The following CORO1C variants were observed in gnomAD, a reference collection of about 807,000 sequenced individuals.
The protein encoded by CORO1C is coronin 1C, also known as coronin-1C.
Under a neutral mutation model 51.2 loss-of-function variants are expected in CORO1C, and 14 were observed. The ratio of observed to expected loss-of-function variants is 0.27; its 90% CI spans 0.18 to 0.43. The LOEUF (loss-of-function observed/expected upper bound fraction) is 0.43. Ranked by LOEUF, CORO1C falls within the 20% of genes least tolerant of loss-of-function variation. CORO1C has a pLI of 1.00. For synonymous variants in CORO1C, 181 were observed against 210.5 expected (o/e 0.86, Z 1.21); for missense variants, 417 against 607.8 (o/e 0.69, Z 3.30).
At chr12:108,706,214 A>G (rs2035028059) in intron 1 of CORO1C, among the ~76,000 whole-genome samples, 1 of 151,918 alleles carries the variant, frequency 6.6e-6, no homozygotes, top group Non-Finnish European at 1.5e-5. Context: ...ACAAAAAAAA[A>G]GCATTTGACA....
intron 1 of CORO1C, among the ~76,000 whole-genome samples, chr12:108,717,105 C>A (rs2035356224): frequency 6.6e-6 from 1 of 152,192 alleles, no homozygotes; most frequent in East Asian, 1.9e-4. Context: ...AATCGGGGAA[C>A]AGAAGCAGTC....
At chr12:108,695,703 A>G (rs180991787) in intron 2 of CORO1C, among the ~76,000 whole-genome samples, 2 of 152,204 alleles carry the variant, frequency 1.3e-5, no homozygotes, top group East Asian at 3.9e-4. Context: ...TCCTCAACCA[A>G]CATGACAGAA....
In CORO1C at chr12:108,647,229, G is replaced by A. The variant is rs2032398480; in HGVS notation, c.*174C>T. ...TCACGTTTTGTTTCTGCAAATTTGG[G>A]AGACAAATTGAGTTCTTACTGGAAT... On this transcript the variant is annotated 3_prime_UTR_variant, in exon 11 of 11. Coordinates refer to ENST00000261401, the MANE Select transcript of CORO1C (RefSeq NM_014325.4). 1 of 512,712 alleles carries A rather than the reference G, an allele frequency of 2.0e-6. No homozygotes were observed. The highest frequency in any genetic ancestry group is 3.4e-6 in the Non-Finnish European group (1 of 295,208). The allele number at this position is 512,712 out of a possible 1,614,324, so 31.8% of individuals were successfully genotyped here.
chr12:108,647,379 T>C lies in CORO1C; in HGVS notation c.*24A>G. ...AGCACAAGTTCTTGCTCCCATTTTT[T>C]CTGTAGGGGTGGGGGTGGGACCTTC... On this transcript the variant is annotated 3_prime_UTR_variant, in exon 11 of 11. Coordinates refer to ENST00000261401, the MANE Select transcript of CORO1C (RefSeq NM_014325.4). 6.2e-7 allele frequency: 1 copy of C among 1,606,600 alleles called. No homozygotes were observed. Among genetic ancestry groups the C allele is most frequent in the Non-Finnish European group, 8.5e-7 (1 of 1,177,084 alleles).
intron 1 of CORO1C, among the ~76,000 whole-genome samples, chr12:108,706,438 G>C (rs2035034810): frequency 6.6e-6 from 1 of 151,972 alleles, no homozygotes; most frequent in Non-Finnish European, 1.5e-5. Flanking sequence ...AAGGCAATTA[G>C]GCAAGAAAAA....
chr12:108,691,322 C>G (rs1013885292), intron 2 of CORO1C, among the ~76,000 whole-genome samples: 1 of 152,162 alleles, frequency 6.6e-6, no homozygotes, highest in African/African-American at 2.4e-5. Flanking sequence ...TTGGCAGGAG[C>G]AGATGATTTG....
intron 3 of CORO1C, among the ~76,000 whole-genome samples, chr12:108,673,124 G>GA (rs1482621249): frequency 6.6e-6 from 1 of 152,226 alleles, no homozygotes; most frequent in African/African-American, 2.4e-5. Flanking sequence ...GTTGAAAGCT[G>GA]AAACAGGCCA....
At chr12:108,675,275 G>A (rs1436585415) in intron 3 of CORO1C, among the ~76,000 whole-genome samples, 1 of 152,128 alleles carries the variant, frequency 6.6e-6, no homozygotes, top group Non-Finnish European at 1.5e-5. Flanking sequence ...CTTGGGCAGG[G>A]ATGTCCAAAG....
intron 2 of CORO1C, among the ~76,000 whole-genome samples, chr12:108,691,634 C>T (rs17040870): frequency 0.057 from 8,666 of 152,300 alleles, 507 homozygotes; most frequent in East Asian, 0.32. Flanking sequence ...TTCTCTGAGC[C>T]ACCCGTGCAG....
At chr12:108,679,152 A>G (rs532261798) in intron 2 of CORO1C, among the ~76,000 whole-genome samples, 3 of 147,850 alleles carry the variant, frequency 2.0e-5, no homozygotes, top group South Asian at 2.1e-4. Flanking sequence ...AAGAAAAAAA[A>G]AAAGAAATTT....
At chr12:108,710,278 C>T (rs1396366332) in intron 1 of CORO1C, among the ~76,000 whole-genome samples, 3 of 152,166 alleles carry the variant, frequency 2.0e-5, no homozygotes, top group Non-Finnish European at 2.9e-5. Flanking sequence ...TCTCCCTCAC[C>T]AAGTTTTCCA....
intron 1 of CORO1C, among the ~76,000 whole-genome samples, chr12:108,712,565 T>C (rs1427516953): frequency 1.1e-5 from 1 of 88,640 alleles, no homozygotes; most frequent in East Asian, 4.9e-4. Context: ...CAAGCGAAAC[T>C]GTCTCAAAAA....
At chr12:108,671,960 A>G (rs1453536489) in intron 3 of CORO1C, among the ~76,000 whole-genome samples, 1 of 152,056 alleles carries the variant, frequency 6.6e-6, no homozygotes, top group African/African-American at 2.4e-5. Flanking sequence ...ACGGGGTTTC[A>G]CCATGTTGCC....
intron 2 of CORO1C, among the ~76,000 whole-genome samples, chr12:108,694,218 G>A (rs2034592473): frequency 6.8e-6 from 1 of 148,138 alleles, no homozygotes; most frequent in Non-Finnish European, 1.5e-5. Flanking sequence ...GGAGGTGGAG[G>A]CTGCAGTGAG....
intron 8 of CORO1C, among the ~76,000 whole-genome samples, chr12:108,651,162 A>G (rs1232685500): frequency 6.6e-6 from 1 of 152,228 alleles, no homozygotes; most frequent in Non-Finnish European, 1.5e-5. Flanking sequence ...GGGGCTTATA[A>G]AAATTCTCTT....
In CORO1C at chr12:108,684,376, G is replaced by T. The variant is rs137970398; in HGVS notation, c.196-5982C>A. Among the ~76,000 whole-genome samples, 348 of 152,216 alleles carry T rather than the reference G, an allele frequency of 2.3e-3. 1 individual carries two copies. Among genetic ancestry groups the T allele is most frequent in the Middle Eastern group, 6.8e-3 (2 of 294 alleles). On this transcript the variant is annotated intron_variant, in intron 2 of 10. Transcript: ENST00000261401. ...TACAATTCCTTTCAAGAGCAATTTG[G>T]TAACAGGTAGAGGTGAGGAAGTCCA...
At chr12:108,725,821 ATTTT>A (rs369838008) in intron 1 of CORO1C, among the ~76,000 whole-genome samples, 15 of 152,058 alleles carry the variant, frequency 9.9e-5, no homozygotes, top group African/African-American at 3.6e-4. Context: ...TTATTTATTT[ATTTT>A]TTTGAGACGG....
chr12:108,727,855 A>G (rs1228561895), intron 1 of CORO1C, among the ~76,000 whole-genome samples: 1 of 152,232 alleles, frequency 6.6e-6, no homozygotes, highest in Admixed American at 6.5e-5. Flanking sequence ...CTGATAAGGC[A>G]CTTGAATCTA....
chr12:108,652,474 T>C, intron 7 of CORO1C, 57 bp from the exon 8 acceptor site: 1 of 1,450,864 alleles, frequency 6.9e-7, no homozygotes, highest in Non-Finnish European at 9.6e-7. Flanking sequence ...ATCTGGATTA[T>C]GGGGGTGTCT....
Sources: allele counts gnomAD v4.1 joint callset (sites outside exome capture counted in the v4.1 genomes callset), GRCh38; gene constraint gnomAD v4.1.1; transcripts MANE v1.5; gene names NCBI Gene and HGNC (gene_info 2026-07-23, HGNC 2026-07-21).